KRTAP5-6: variants seen among roughly 807,000 people sequenced by gnomAD.
KRTAP5-6 encodes the protein keratin associated protein 5-6.
For missense variants in KRTAP5-6, 175 were observed against 157.6 expected, an observed-to-expected ratio of 1.11 and a Z score of -0.59; for synonymous variants, 57 against 61.7, an observed-to-expected ratio of 0.92 and a Z score of 0.36.
At position 1,697,754 on chromosome 11, in the gene KRTAP5-6, C is replaced by T. The variant is rs865919400; in HGVS notation, c.*119C>T. Reference sequence around the variant, plus strand: ...CAGGAGTTGTGTCCCCTGAATTTTGCAGAAGGTGATGACTCCAGGTTCTTG... The same window carrying T: ...CAGGAGTTGTGTCCCCTGAATTTTGTAGAAGGTGATGACTCCAGGTTCTTG... On this transcript the variant is annotated 3_prime_UTR_variant, in exon 1 of 1. Transcript: ENST00000382160. 14 of 1,432,952 alleles carry T rather than the reference C, an allele frequency of 9.8e-6. 1 individual carries two copies. The Middle Eastern group carries it at 1.9e-3, about 194-fold the overall frequency. The allele number at this position is 1,432,952 out of a possible 1,614,324, so 88.8% of individuals were successfully genotyped here. A position where few individuals can be genotyped will look rare whatever the true frequency, so the allele number is the denominator to read the frequency against.
rs774391051 is a variant in KRTAP5-6 at position 1,697,346 on chromosome 11, G to A, written c.101G>A (p.Cys34Tyr). The change falls in exon 1 of 1, where the codon TGC becomes TAC. Residue 34 changes from cysteine (C) to tyrosine (Y), a missense_variant. Coordinates refer to ENST00000382160, the MANE Select transcript of KRTAP5-6 (RefSeq NM_001012416.1). ...CGSSCCVPIC[C>Y]CKPVCCCVPA... The stretch of plus-strand genomic sequence containing the variant: ...TCCAGCTGCTGTGTGCCCATCTGCT[G>A]CTGCAAGCCCGTGTGCTGCTGTGTG... The A allele has an allele frequency of 2.5e-6, 4 of 1,613,296 alleles. No homozygotes were observed. The highest frequency in any genetic ancestry group is 2.5e-6 in the Non-Finnish European group (3 of 1,179,990).
chr11:1,697,690 G>GT lies in KRTAP5-6; in HGVS notation c.*55_*56insT. 1 of 1,607,842 alleles carries GT rather than the reference G, an allele frequency of 6.2e-7. No homozygotes were observed. The highest frequency in any genetic ancestry group is 8.5e-7 in the Non-Finnish European group (1 of 1,175,968). ...AGCATATCCACACCACCCAAGAAGT[G>GT]ACCAGTGCTGCATTTCAGTTCTGGC... is the stretch of plus-strand genomic sequence containing the variant. On this transcript the variant is annotated 3_prime_UTR_variant, in exon 1 of 1. Coordinates refer to ENST00000382160, the MANE Select transcript of KRTAP5-6 (RefSeq NM_001012416.1).
In KRTAP5-6 at chr11:1,697,637, G is replaced by T; in HGVS notation, c.*2G>T. 6.2e-7 allele frequency: 1 copy of T among 1,614,132 alleles called. No homozygotes were observed. Among genetic ancestry groups the T allele is most frequent in the Non-Finnish European group, 8.5e-7 (1 of 1,180,026 alleles). ...ATTTGCTGCCAGTGCAAAATCTGAG[G>T]CTCTGACTTTGGACCTCAGGTGAGT... is the stretch of plus-strand genomic sequence containing the variant. On this transcript the variant is annotated 3_prime_UTR_variant, in exon 1 of 1. Coordinates refer to ENST00000382160, the MANE Select transcript of KRTAP5-6 (RefSeq NM_001012416.1).
At position 1,697,373 on chromosome 11, in the gene KRTAP5-6, C is replaced by T; in HGVS notation, c.128C>T (p.Pro43Leu). 1 of 1,612,546 alleles carries T rather than the reference C, an allele frequency of 6.2e-7. No individual in the cohort carries two copies. The highest frequency in any genetic ancestry group is 8.5e-7 in the Non-Finnish European group (1 of 1,179,832). The change falls in exon 1 of 1, where the codon CCA becomes CTA. Residue 43 changes from proline (P) to leucine (L), a missense_variant. Physicochemically the swap from Pro to Leu is moderately conservative, Grantham distance 98. Transcript: ENST00000382160. ...TGCAAGCCCGTGTGCTGCTGTGTGC[C>T]AGCCTGTTCCTGCACCAGCTGTGGC... ...CCCKPVCCCV[P>L]ACSCTSCGSC...
Position 1,697,553 on chromosome 11 carries a change from C to A in KRTAP5-6, c.308C>A (p.Ser103Tyr). 2 of 1,613,962 alleles carry A rather than the reference C, an allele frequency of 1.2e-6. No homozygotes were observed. Among genetic ancestry groups the A allele is most frequent in the Non-Finnish European group, 1.7e-6 (2 of 1,179,984 alleles). Residue 103 changes from serine to tyrosine, a missense_variant, in exon 1 of 1, where the codon TCC becomes TAC. Transcript: ENST00000382160. ...PCYCSSGCGS[S>Y]CCQSSCCKPC... The stretch of plus-strand genomic sequence containing the variant: ...TACTGTTCCTCAGGCTGTGGGTCAT[C>A]CTGCTGCCAGTCCAGCTGCTGCAAG...
In KRTAP5-6 at chr11:1,697,204, C is replaced by T; in HGVS notation, c.-42C>T. On this transcript the variant is annotated 5_prime_UTR_variant, in exon 1 of 1. Coordinates refer to ENST00000382160, the MANE Select transcript of KRTAP5-6 (RefSeq NM_001012416.1). ...GCTCCATACCTGCACACCTCCCTCTCACCTGCTCCTCTACCTGCTCCACCC... is the reference window on the plus strand; with the variant it reads ...GCTCCATACCTGCACACCTCCCTCTTACCTGCTCCTCTACCTGCTCCACCC... 1.9e-6 allele frequency: 3 copies of T among 1,612,388 alleles called. No individual in the cohort carries two copies. The highest frequency in any genetic ancestry group is 2.5e-6 in the Non-Finnish European group (3 of 1,179,852).
At position 1,697,708 on chromosome 11, in the gene KRTAP5-6, G is replaced by C; in HGVS notation, c.*73G>C. 1.9e-6 allele frequency: 3 copies of C among 1,590,484 alleles called. No homozygotes were observed. The South Asian group carries it at 3.4e-5, about 18-fold the overall frequency. On this transcript the variant is annotated 3_prime_UTR_variant, in exon 1 of 1. Transcript: ENST00000382160. ...AAGAAGTGACCAGTGCTGCATTTCAGTTCTGGCTGTCCCACAGCTCCAGGA... is the reference window on the plus strand; with the variant it reads ...AAGAAGTGACCAGTGCTGCATTTCACTTCTGGCTGTCCCACAGCTCCAGGA...
Position 1,697,405 on chromosome 11 carries a change from G to C in KRTAP5-6, c.160G>C (p.Gly54Arg). ...TTCCTGCACCAGCTGTGGCTCTTGTGGGGGCTCCAAGGGGTGCTGTGGCTC... is the reference window on the plus strand; with the variant it reads ...TTCCTGCACCAGCTGTGGCTCTTGTCGGGGCTCCAAGGGGTGCTGTGGCTC... ...ACSCTSCGSC[G>R]GSKGCCGSCG... The change falls in exon 1 of 1, where the codon GGG (glycine) becomes CGG (arginine). Residue 54 changes from glycine to arginine, a missense_variant. Physicochemically the swap from Gly to Arg is moderately radical, Grantham distance 125. Coordinates refer to ENST00000382160, the MANE Select transcript of KRTAP5-6 (RefSeq NM_001012416.1). 4.3e-6 allele frequency: 7 copies of C among 1,612,746 alleles called. No individual in the cohort carries two copies. The African/African-American group carries it at 8.0e-5, about 18-fold the overall frequency.
Position 1,697,718 on chromosome 11 carries a change from T to A in KRTAP5-6, c.*83T>A. 1.3e-6 allele frequency: 2 copies of A among 1,573,842 alleles called. No individual in the cohort carries two copies. Among genetic ancestry groups the A allele is most frequent in the Non-Finnish European group, 1.7e-6 (2 of 1,152,556 alleles). On this transcript the variant is annotated 3_prime_UTR_variant, in exon 1 of 1. Coordinates refer to ENST00000382160, the MANE Select transcript of KRTAP5-6 (RefSeq NM_001012416.1). The stretch of plus-strand genomic sequence containing the variant: ...CAGTGCTGCATTTCAGTTCTGGCTG[T>A]CCCACAGCTCCAGGAGTTGTGTCCC...
Position 1,697,507 on chromosome 11 carries a change from T to G in KRTAP5-6, c.262T>G (p.Cys88Gly), listed in dbSNP as rs1266199583. 4 of 1,613,850 alleles carry G rather than the reference T, an allele frequency of 2.5e-6. No individual in the cohort carries two copies. The South Asian group carries it at 3.3e-5, about 13-fold the overall frequency. ...GGCGSCGCSQ[C>G]SCCKPCYCSS... is the part of the protein sequence containing the mutation. ...CTGTGGCTCTTGTGGCTGCTCCCAG[T>G]GCAGTTGCTGCAAGCCCTGCTACTG... Residue 88 changes from cysteine (C) to glycine (G), a missense_variant, in exon 1 of 1, where the codon TGC (cysteine) becomes GGC (glycine). By Grantham distance (159) the Cys-to-Gly change is radical. Coordinates refer to ENST00000382160, the MANE Select transcript of KRTAP5-6 (RefSeq NM_001012416.1).
At position 1,697,291 on chromosome 11, in the gene KRTAP5-6, G is replaced by A; in HGVS notation, c.46G>A (p.Gly16Ser). The part of the protein sequence containing the change: ...CSGGCGSGCG[G>S]CGSGCGGCGS... ...TGGAGGCTGTGGCTCCGGCTGTGGG[G>A]GCTGTGGCTCTGGCTGTGGGGGCTG... Residue 16 changes from glycine (G) to serine (S), a missense_variant, in exon 1 of 1, where the codon GGC becomes AGC. Physicochemically the swap from Gly to Ser is moderately conservative, Grantham distance 56. Transcript: ENST00000382160. The A allele has an allele frequency of 1.2e-6, 2 of 1,612,906 alleles. No homozygotes were observed. Among genetic ancestry groups the A allele is most frequent in the Non-Finnish European group, 1.7e-6 (2 of 1,179,726 alleles).
chr11:1,697,260 C>T lies in KRTAP5-6; in HGVS notation c.15C>T (p.Gly5=). 2 of 1,613,380 alleles carry T rather than the reference C, an allele frequency of 1.2e-6. No individual in the cohort carries two copies. The highest frequency in any genetic ancestry group is 1.7e-6 in the Non-Finnish European group (2 of 1,180,020). The change falls in exon 1 of 1, where the codon GGC becomes GGT. Residue 5 remains glycine, a synonymous_variant. Coordinates refer to ENST00000382160, the MANE Select transcript of KRTAP5-6 (RefSeq NM_001012416.1). ...CCACCAGAACCATGGGCTGCTGTGGCTGCTCTGGAGGCTGTGGCTCCGGCT... is the reference window on the plus strand; with the variant it reads ...CCACCAGAACCATGGGCTGCTGTGGTTGCTCTGGAGGCTGTGGCTCCGGCT... MGCC[G]CSGGCGSGCG... is the part of the protein sequence containing the mutation.
In KRTAP5-6 at chr11:1,697,220, T is replaced by G; in HGVS notation, c.-26T>G. On this transcript the variant is annotated 5_prime_UTR_variant, in exon 1 of 1. Transcript: ENST00000382160. The stretch of plus-strand genomic sequence containing the variant: ...CCTCCCTCTCACCTGCTCCTCTACC[T>G]GCTCCACCCTCAATCCACCAGAACC... The G allele has an allele frequency of 6.2e-7, 1 of 1,612,818 alleles. No individual in the cohort carries two copies. The highest frequency in any genetic ancestry group is 2.2e-5 in the East Asian group (1 of 44,886).
rs766041992 is a variant in KRTAP5-6 at position 1,697,360 on chromosome 11, T to G, written c.115T>G (p.Cys39Gly). Residue 39 changes from cysteine to glycine, a missense_variant, in exon 1 of 1, where the codon TGC becomes GGC. By Grantham distance (159) the Cys-to-Gly change is radical. Transcript: ENST00000382160. ...CVPICCCKPV[C>G]CCVPACSCTS... ...GCCCATCTGCTGCTGCAAGCCCGTG[T>G]GCTGCTGTGTGCCAGCCTGTTCCTG... 25 of 1,613,142 alleles carry G rather than the reference T, an allele frequency of 1.5e-5. No individual in the cohort carries two copies. The highest frequency in any genetic ancestry group is 8.3e-5 in the Admixed American group (5 of 59,982).
rs139554441 is a variant in KRTAP5-6 at position 1,697,357 on chromosome 11, G to T, written c.112G>T (p.Val38Leu). The T allele has an allele frequency of 1.9e-6, 3 of 1,612,280 alleles. No individual in the cohort carries two copies. In the South Asian group the frequency reaches 3.3e-5, roughly 18 times the overall value. Residue 38 changes from valine (V) to leucine (L), a missense_variant, in exon 1 of 1, where the codon GTG becomes TTG. Coordinates refer to ENST00000382160, the MANE Select transcript of KRTAP5-6 (RefSeq NM_001012416.1). Reference sequence around the variant, plus strand: ...TGTGCCCATCTGCTGCTGCAAGCCCGTGTGCTGCTGTGTGCCAGCCTGTTC... The same window carrying T: ...TGTGCCCATCTGCTGCTGCAAGCCCTTGTGCTGCTGTGTGCCAGCCTGTTC... The part of the protein sequence containing the change: ...CCVPICCCKP[V>L]CCCVPACSCT...
chr11:1,697,714 GC>G lies in KRTAP5-6; in HGVS notation c.*80del. The stretch of plus-strand genomic sequence containing the variant: ...TGACCAGTGCTGCATTTCAGTTCTG[GC>G]TGTCCCACAGCTCCAGGAGTTGTGT... On this transcript the variant is annotated 3_prime_UTR_variant, in exon 1 of 1. Transcript: ENST00000382160. The G allele has an allele frequency of 6.3e-7, 1 of 1,583,544 alleles. No homozygotes were observed. The highest frequency in any genetic ancestry group is 1.1e-5 in the South Asian group (1 of 87,230).
Position 1,697,478 on chromosome 11 carries a change from G to C in KRTAP5-6, c.233G>C (p.Gly78Ala). 1 of 1,613,872 alleles carries C rather than the reference G, an allele frequency of 6.2e-7. No homozygotes were observed. The highest frequency in any genetic ancestry group is 8.5e-7 in the Non-Finnish European group (1 of 1,180,008). ...TGTGGCTCTTGTGGGGGCTCCAAGGGAGGCTGTGGCTCTTGTGGCTGCTCC... is the reference window on the plus strand; with the variant it reads ...TGTGGCTCTTGTGGGGGCTCCAAGGCAGGCTGTGGCTCTTGTGGCTGCTCC... ...GGCGSCGGSK[G>A]GCGSCGCSQC... is the part of the protein sequence containing the mutation. Residue 78 changes from glycine to alanine, a missense_variant, in exon 1 of 1, where the codon GGA becomes GCA. Physicochemically the swap from Gly to Ala is moderately conservative, Grantham distance 60. Coordinates refer to ENST00000382160, the MANE Select transcript of KRTAP5-6 (RefSeq NM_001012416.1).
chr11:1,697,737 G>T lies in KRTAP5-6; in HGVS notation c.*102G>T. On this transcript the variant is annotated 3_prime_UTR_variant, in exon 1 of 1. Coordinates refer to ENST00000382160, the MANE Select transcript of KRTAP5-6 (RefSeq NM_001012416.1). ...TGGCTGTCCCACAGCTCCAGGAGTT[G>T]TGTCCCCTGAATTTTGCAGAAGGTG... 1.3e-6 allele frequency: 2 copies of T among 1,529,616 alleles called. No individual in the cohort carries two copies. The highest frequency in any genetic ancestry group is 2.3e-5 in the East Asian group (1 of 44,354). 94.8% of individuals were successfully genotyped at this position (1,529,616 alleles called of 1,614,324 possible). A position where few individuals can be genotyped will look rare whatever the true frequency, so the allele number is the denominator to read the frequency against.
chr11:1,697,288 G>A lies in KRTAP5-6; in HGVS notation c.43G>A (p.Gly15Arg), dbSNP rs758639920. Reference sequence around the variant, plus strand: ...CTCTGGAGGCTGTGGCTCCGGCTGTGGGGGCTGTGGCTCTGGCTGTGGGGG... The same window carrying A: ...CTCTGGAGGCTGTGGCTCCGGCTGTAGGGGCTGTGGCTCTGGCTGTGGGGG... ...GCSGGCGSGC[G>R]GCGSGCGGCG... The change falls in exon 1 of 1, where the codon GGG becomes AGG. Residue 15 changes from glycine to arginine, a missense_variant. Gly to Arg is a moderately radical substitution (Grantham distance 125). Coordinates refer to ENST00000382160, the MANE Select transcript of KRTAP5-6 (RefSeq NM_001012416.1). 2.5e-6 allele frequency: 4 copies of A among 1,612,876 alleles called. No individual in the cohort carries two copies. The highest frequency in any genetic ancestry group is 2.2e-5 in the East Asian group (1 of 44,862).
Sources: allele counts gnomAD v4.1 joint callset, GRCh38; gene constraint gnomAD v4.1.1; transcripts MANE v1.5; gene names NCBI Gene and HGNC (gene_info 2026-07-23, HGNC 2026-07-21).